SKAP2: variants seen among roughly 807,000 people sequenced by gnomAD.
SKAP2 encodes the protein src kinase-associated phosphoprotein 2.
A neutral mutation model predicts 54.9 loss-of-function variants in SKAP2; 28 were observed. That is an observed-to-expected ratio of 0.51 (90% CI 0.38 to 0.70). The LOEUF (loss-of-function observed/expected upper bound fraction) is 0.70, where lower values mean the gene tolerates loss of function less well. Ranked by LOEUF, SKAP2 falls within the 30% of genes least tolerant of loss-of-function variation. The pLI, the probability that SKAP2 is intolerant of heterozygous loss-of-function variation, is 0.00. For synonymous variants in SKAP2, 137 were observed against 134.3 expected (o/e 1.02, Z -0.14); for missense variants, 356 against 424.1 (o/e 0.84, Z 1.41).
intron 9 of SKAP2, among the ~76,000 whole-genome samples, chr7:26,718,740 G>A (rs1194261104): frequency 6.6e-6 from 1 of 152,166 alleles, no homozygotes; most frequent in Admixed American, 6.5e-5. Flanking sequence ...TCTTGACCTT[G>A]TGATCTGCCC....
intron 4 of SKAP2, among the ~76,000 whole-genome samples, chr7:26,748,641 G>C (rs1782611210): frequency 6.6e-6 from 1 of 151,964 alleles, no homozygotes; most frequent in Non-Finnish European, 1.5e-5. Context: ...TTTTTAAAAA[G>C]TCTATAATAC....
At chr7:26,780,099 T>A (rs1258581201) in intron 4 of SKAP2, among the ~76,000 whole-genome samples, 3 of 152,098 alleles carry the variant, frequency 2.0e-5, no homozygotes, top group African/African-American at 7.2e-5. Context: ...ACAGCCAAAC[T>A]GGCCTGTTTC....
Position 26,826,052 on chromosome 7 carries a change from C to G in SKAP2, c.307+17978G>C, listed in dbSNP as rs533390848. Among the ~76,000 whole-genome samples, 3 of 152,146 alleles carry G rather than the reference C, an allele frequency of 2.0e-5. No homozygotes were observed. In the South Asian group the frequency reaches 6.2e-4, roughly 32 times the overall value. The stretch of plus-strand genomic sequence containing the variant: ...AAATCTCCATGGGGATCAGGTGAAG[C>G]TGGCCTTACCCCTCTCCACAAACTC... On this transcript the variant is annotated intron_variant, in intron 4 of 12. Transcript: ENST00000345317.
chr7:26,768,601 T>C (rs1783117052), intron 4 of SKAP2, among the ~76,000 whole-genome samples: 1 of 152,214 alleles, frequency 6.6e-6, no homozygotes, highest in African/African-American at 2.4e-5. Context: ...GGTACTGGTT[T>C]TTCCTTTCCA....
At chr7:26,763,993 A>C (rs1782988800) in intron 4 of SKAP2, among the ~76,000 whole-genome samples, 1 of 152,216 alleles carries the variant, frequency 6.6e-6, no homozygotes, top group South Asian at 2.1e-4. Context: ...GTTAGGCAGC[A>C]CATGACTGTT....
intron 4 of SKAP2, among the ~76,000 whole-genome samples, chr7:26,752,599 A>T (rs1244431116): frequency 6.6e-6 from 1 of 152,214 alleles, no homozygotes; most frequent in Non-Finnish European, 1.5e-5. Flanking sequence ...ACTTCTGGTA[A>T]ATATTAAATC....
At chr7:26,859,924 C>T (rs1785245227) in intron 1 of SKAP2, among the ~76,000 whole-genome samples, 2 of 152,150 alleles carry the variant, frequency 1.3e-5, no homozygotes, top group African/African-American at 4.8e-5. Flanking sequence ...TAAAATCTAG[C>T]CTATGCCACT....
intron 4 of SKAP2, among the ~76,000 whole-genome samples, chr7:26,820,039 C>T (rs1784358129): frequency 6.6e-6 from 1 of 151,882 alleles, no homozygotes; most frequent in African/African-American, 2.4e-5. Context: ...AAATATAAGC[C>T]TGGCGCACTG....
At chr7:26,717,959 G>A (rs1318575117) in intron 9 of SKAP2, among the ~76,000 whole-genome samples, 2 of 151,988 alleles carry the variant, frequency 1.3e-5, no homozygotes, top group Admixed American at 1.3e-4. Context: ...GCCCATTGGA[G>A]ACAGAATTTC....
intron 9 of SKAP2, among the ~76,000 whole-genome samples, chr7:26,695,855 C>T (rs1303604043): frequency 6.6e-6 from 1 of 152,152 alleles, no homozygotes; most frequent in Non-Finnish European, 1.5e-5. Context: ...GGGCATTGCA[C>T]ACAAGATGCC....
chr7:26,774,111 G>A (rs1783247878), intron 4 of SKAP2, among the ~76,000 whole-genome samples: 1 of 152,038 alleles, frequency 6.6e-6, no homozygotes, highest in African/African-American at 2.4e-5. Flanking sequence ...TCAGGAGTTC[G>A]AGATCAGCCT....
chr7:26,661,824 G>A, the SKAP2 span, among the ~76,000 whole-genome samples: 2 of 152,042 alleles, frequency 1.3e-5, no homozygotes, highest in Admixed American at 6.6e-5. Flanking sequence ...TTTGATCATT[G>A]TTTCATTTCA....
At chr7:26,686,554 G>A (rs1484963855) in intron 10 of SKAP2, among the ~76,000 whole-genome samples, 3 of 152,114 alleles carry the variant, frequency 2.0e-5, no homozygotes, top group African/African-American at 4.8e-5. Flanking sequence ...ACACTAGAGG[G>A]CACTGCAGCT....
chr7:26,726,916 A>G lies in SKAP2; in HGVS notation c.560T>C (p.Phe187Ser). The change falls in exon 7 of 13, where the codon TTT becomes TCT. Residue 187 changes from phenylalanine to serine, a missense_variant. Transcript: ENST00000345317. ...ACGTTTATCAGGAGCAGAGATTTCAAAACAGCAATCTTTCTTTCCATCCTT... is the reference window on the plus strand; with the variant it reads ...ACGTTTATCAGGAGCAGAGATTTCAGAACAGCAATCTTTCTTTCCATCCTT... The part of the protein sequence containing the change: ...LRKDGKKDCC[F>S]EISAPDKRIY... 1 of 1,611,020 alleles carries G rather than the reference A, an allele frequency of 6.2e-7. No homozygotes were observed. The highest frequency in any genetic ancestry group is 8.5e-7 in the Non-Finnish European group (1 of 1,178,252).
chr7:26,683,736 T>C (rs544525118), intron 11 of SKAP2, among the ~76,000 whole-genome samples: 1 of 152,294 alleles, frequency 6.6e-6, no homozygotes, highest in East Asian at 1.9e-4. Context: ...TGATTCTCTG[T>C]GTTATGATTT....
At position 26,764,569 on chromosome 7, in the gene SKAP2, TC is replaced by T. The variant is rs1461288937; in HGVS notation, c.308-24606del. On this transcript the variant is annotated intron_variant, in intron 4 of 12. Coordinates refer to ENST00000345317, the MANE Select transcript of SKAP2 (RefSeq NM_003930.5). ...TACTATATAACTTTTTTTCATAATC[TC>T]TTCTTTTTTTCTTTTATCTTTTTTT... is the stretch of plus-strand genomic sequence containing the variant. Among the ~76,000 whole-genome samples the T allele has an allele frequency of 1.1e-4, 17 of 152,156 alleles. 1 individual carries two copies. The Middle Eastern group carries it at 0.01, about 91-fold the overall frequency.
intron 4 of SKAP2, among the ~76,000 whole-genome samples, chr7:26,768,807 G>T (rs1177826339): frequency 1.3e-5 from 2 of 152,176 alleles, no homozygotes; most frequent in African/African-American, 4.8e-5. Flanking sequence ...GGCTTACAGG[G>T]TTTCTGCAGA....
chr7:26,862,961 C>CA (rs1287835516), intron 1 of SKAP2, among the ~76,000 whole-genome samples: 1 of 151,946 alleles, frequency 6.6e-6, no homozygotes, highest in Non-Finnish European at 1.5e-5. Flanking sequence ...ATTGTAAAAA[C>CA]AAAAAATGTT....
At chr7:26,755,537 A>C (rs1383269071) in intron 4 of SKAP2, among the ~76,000 whole-genome samples, 1 of 152,196 alleles carries the variant, frequency 6.6e-6, no homozygotes, top group Non-Finnish European at 1.5e-5. Context: ...ATAAGTACAA[A>C]GGTTAATAAA....
Sources: gnomAD v4.1 joint callset for allele counts (sites outside exome capture counted in the v4.1 genomes callset) on GRCh38, gnomAD v4.1.1 for gene constraint, MANE v1.5 for transcripts, NCBI Gene and HGNC (gene_info 2026-07-23, HGNC 2026-07-21) for gene names.